NEO1: variants seen among roughly 807,000 people sequenced by gnomAD.
The protein encoded by NEO1 is neogenin 1.
A neutral mutation model predicts 159.7 loss-of-function variants in NEO1; 63 were observed. That is an observed-to-expected ratio of 0.39 (90% CI 0.32 to 0.49). NEO1 has a LOEUF of 0.49. NEO1 is among the 20% of genes least tolerant of loss of function. The pLI, the probability that NEO1 is intolerant of heterozygous loss-of-function variation, is 0.85. For missense variants in NEO1, 1,615 were observed against 1,831.0 expected, an observed-to-expected ratio of 0.88 and a Z score of 2.15; for synonymous variants, 633 against 662.0, an observed-to-expected ratio of 0.96 and a Z score of 0.67.
At chr15:73,117,343 A>G (rs572399147) in intron 2 of NEO1, among the ~76,000 whole-genome samples, 6 of 152,350 alleles carry the variant, frequency 3.9e-5, no homozygotes, top group South Asian at 2.1e-4. Flanking sequence ...AAAGTTATAA[A>G]GAGAGGAACT....
chr15:73,260,318 G>T lies in NEO1; in HGVS notation c.2251G>T (p.Val751Phe). ...VPSSLHVRPL[V>F]TSIVVSWTPP... The stretch of plus-strand genomic sequence containing the variant: ...TAGCTCTCTTCACGTACGCCCGCTC[G>T]TTACTAGCATCGTAGTGAGCTGGAC... The change falls in exon 15 of 29, where the codon GTT becomes TTT. Residue 751 changes from valine (V) to phenylalanine (F), a missense_variant. Val to Phe is a conservative substitution (Grantham distance 50). Transcript: ENST00000261908. 3 of 1,613,884 alleles carry T rather than the reference G, an allele frequency of 1.9e-6. No homozygotes were observed. Among genetic ancestry groups the T allele is most frequent in the Non-Finnish European group, 2.5e-6 (3 of 1,179,930 alleles).
At chr15:73,284,658 T>C (rs1045712813) in intron 23 of NEO1, among the ~76,000 whole-genome samples, 1 of 150,662 alleles carries the variant, frequency 6.6e-6, no homozygotes, top group Non-Finnish European at 1.5e-5. Flanking sequence ...CATTCTTGGC[T>C]CACTGCAACC....
rs759730295 is a variant in NEO1 at position 73,253,455 on chromosome 15, A to G, written c.1944+6A>G. The G allele has an allele frequency of 1.3e-5, 20 of 1,596,908 alleles. No individual in the cohort carries two copies. In the African/African-American group the frequency reaches 2.0e-4, roughly 16 times the overall value. ...TGGAAGTGAGAAATTCAAAGGTAAA[A>G]CTGTATGATGCTGCTGTTCATTTTT... On this transcript the variant is annotated splice_donor_region_variant and intron_variant, in intron 12 of 28. Coordinates refer to ENST00000261908, the MANE Select transcript of NEO1 (RefSeq NM_002499.4).
intron 13 of NEO1, 48 bp from the exon 14 acceptor site, chr15:73,258,718 T>C: frequency 6.6e-7 from 1 of 1,506,256 alleles, no homozygotes; most frequent in South Asian, 1.1e-5. Flanking sequence ...AATCTTTTGT[T>C]TTTCCAAAGC....
intron 5 of NEO1, among the ~76,000 whole-genome samples, chr15:73,140,018 G>A (rs1229470728): frequency 6.6e-6 from 1 of 152,194 alleles, no homozygotes; most frequent in Non-Finnish European, 1.5e-5. Flanking sequence ...ACATCGACCT[G>A]GAAGAAGATG....
rs1351972991 is a variant in NEO1 at position 73,223,774 on chromosome 15, A to G, written c.1292-12573A>G. On this transcript the variant is annotated intron_variant, in intron 7 of 28. Transcript: ENST00000261908. ...TAAGTGGAGCATTTAGGCCATTTAC[A>G]TTCAGTGTTCATATTGAGATGTGAG... 3.3e-5 allele frequency among the ~76,000 whole-genome samples: 5 copies of G among 152,176 alleles called. No homozygotes were observed. In the South Asian group the frequency reaches 1.0e-3, roughly 32 times the overall value.
At chr15:73,253,031 A>G (rs192075670) in intron 11 of NEO1, among the ~76,000 whole-genome samples, 47 of 152,276 alleles carry the variant, frequency 3.1e-4, no homozygotes, top group Admixed American at 2.6e-4. Flanking sequence ...ACCATCACCA[A>G]TAATACTCAA....
At chr15:73,194,641 C>A (rs896516146) in intron 7 of NEO1, among the ~76,000 whole-genome samples, 1 of 152,174 alleles carries the variant, frequency 6.6e-6, no homozygotes, top group Non-Finnish European at 1.5e-5. Flanking sequence ...CAAACACTCT[C>A]CACTAGGCTG....
chr15:73,244,456 G>C lies in NEO1; in HGVS notation c.1564G>C (p.Gly522Arg). 6.2e-7 allele frequency: 1 copy of C among 1,613,924 alleles called. No homozygotes were observed. The highest frequency in any genetic ancestry group is 8.5e-7 in the Non-Finnish European group (1 of 1,179,896). The part of the protein sequence containing the change: ...RVMAQNKHGS[G>R]ESSAPLRVET... ...TATGGCTCAAAATAAGCATGGCTCA[G>C]GAGAGAGTTCAGCTCCACTGCGAGT... Residue 522 changes from glycine (G) to arginine (R), a missense_variant, in exon 9 of 29, where the codon GGA becomes CGA. Transcript: ENST00000261908.
In NEO1 at chr15:73,065,084, C is replaced by G. The variant is rs139667912; in HGVS notation, c.130+12279C>G. On this transcript the variant is annotated intron_variant, in intron 1 of 28. Transcript: ENST00000261908. ...CTTTAACTTGTTATTTGTATGATTTCATGGACAGTGCAAGGCCTCTATAAC... is the reference window on the plus strand; with the variant it reads ...CTTTAACTTGTTATTTGTATGATTTGATGGACAGTGCAAGGCCTCTATAAC... 3.4e-4 allele frequency among the ~76,000 whole-genome samples: 51 copies of G among 152,112 alleles called. No homozygotes were observed. In the East Asian group the frequency reaches 9.6e-3, roughly 29 times the overall value.
intron 12 of NEO1, among the ~76,000 whole-genome samples, chr15:73,254,362 A>T (rs183563751): frequency 6.6e-6 from 1 of 152,276 alleles, no homozygotes; most frequent in Non-Finnish European, 1.5e-5. Context: ...TCCCTAATCC[A>T]TGTGCTTCTG....
chr15:73,181,920 G>A (rs1467372986), intron 7 of NEO1, among the ~76,000 whole-genome samples: 1 of 152,150 alleles, frequency 6.6e-6, no homozygotes, highest in East Asian at 1.9e-4. Flanking sequence ...GGGTAACTAG[G>A]TGTATTAGTC....
intron 5 of NEO1, among the ~76,000 whole-genome samples, chr15:73,168,454 C>T (rs1399895863): frequency 6.6e-6 from 1 of 151,370 alleles, no homozygotes; most frequent in African/African-American, 2.4e-5. Flanking sequence ...CTGACTTGGC[C>T]TCCCAAAGTG....
Position 73,288,426 on chromosome 15 carries a change from T to C in NEO1, c.3524T>C (p.Ile1175Thr), listed in dbSNP as rs755241463. 2.0e-5 allele frequency: 32 copies of C among 1,614,004 alleles called. No individual in the cohort carries two copies. Among genetic ancestry groups the C allele is most frequent in the Admixed American group, 3.3e-5 (2 of 60,002 alleles). Residue 1175 changes from isoleucine to threonine, a missense_variant, in exon 24 of 29, where the codon ATT (isoleucine) becomes ACT (threonine). By Grantham distance (89) the Ile-to-Thr change is moderately conservative (BLOSUM62 -1). Around this residue, in one of 3 missense-constraint regions of NEO1, gnomAD observed 471 missense variants for 498.9 expected, o/e 0.94. Transcript: ENST00000261908. ...CATGAGAGACTGGAGCTGAAACCCATTGATAAGTCTCCAGACCCAAACCCC... is the reference window on the plus strand; with the variant it reads ...CATGAGAGACTGGAGCTGAAACCCACTGATAAGTCTCCAGACCCAAACCCC... ...IHHERLELKP[I>T]DKSPDPNPIM...
At chr15:73,195,828 G>C in intron 7 of NEO1, among the ~76,000 whole-genome samples, 1 of 152,100 alleles carries the variant, frequency 6.6e-6, no homozygotes, top group Non-Finnish European at 1.5e-5. Flanking sequence ...GTTTATTATA[G>C]AATAGTTTTG....
At chr15:73,283,966 C>G (rs1336787797) in intron 23 of NEO1, among the ~76,000 whole-genome samples, 1 of 152,120 alleles carries the variant, frequency 6.6e-6, no homozygotes, top group African/African-American at 2.4e-5. Context: ...ATCAATTTAT[C>G]AGTTTCTCAG....
intron 2 of NEO1, among the ~76,000 whole-genome samples, chr15:73,118,849 T>C (rs1344265449): frequency 6.6e-6 from 1 of 152,228 alleles, no homozygotes; most frequent in Non-Finnish European, 1.5e-5. Flanking sequence ...TACTGTGATT[T>C]ATTTAAAGAT....
Position 73,122,734 on chromosome 15 carries a change from C to G in NEO1, c.658C>G (p.Arg220Gly). ...NATEGDGGLY[R>G]CVVESGGPPK... The stretch of plus-strand genomic sequence containing the variant: ...AACTGAAGGAGATGGCGGGCTTTAT[C>G]GCTGCGTAGTGGAAAGTGGTGGGCC... Residue 220 changes from arginine (R) to glycine (G), a missense_variant, in exon 3 of 29, where the codon CGC becomes GGC. Transcript: ENST00000261908. 2 of 1,614,130 alleles carry G rather than the reference C, an allele frequency of 1.2e-6. No individual in the cohort carries two copies. Among genetic ancestry groups the G allele is most frequent in the Non-Finnish European group, 1.7e-6 (2 of 1,180,022 alleles).
intron 7 of NEO1, among the ~76,000 whole-genome samples, chr15:73,235,940 A>G (rs1033916741): frequency 6.6e-6 from 1 of 152,206 alleles, no homozygotes; most frequent in South Asian, 2.1e-4. Context: ...CAGATGTTGC[A>G]TGCTGCTTTC....
Sources: gnomAD v4.1 joint callset for allele counts (sites outside exome capture counted in the v4.1 genomes callset) on GRCh38, gnomAD v4.1.1 for gene constraint, gnomAD v4.1.1 regional missense constraint, MANE v1.5 for transcripts, NCBI Gene and HGNC (gene_info 2026-07-23, HGNC 2026-07-21) for gene names.